Variants in MICU3 observed in about 807,000 individuals in gnomAD.
The protein encoded by MICU3 is mitochondrial calcium uptake 3.
Under a neutral mutation model 66.5 loss-of-function variants are expected in MICU3, and 62 were observed. The observed-to-expected ratio is 0.93, with a 90% CI of 0.76 to 1.15. MICU3 has a LOEUF of 1.15. Ranked by LOEUF, MICU3 falls within the 50% of genes most tolerant of loss-of-function variation. The pLI is 0.00. For synonymous variants in MICU3, 308 were observed against 240.7 expected (o/e 1.28, Z -2.59); for missense variants, 779 against 664.4 (o/e 1.17, Z -1.90).
At chr8:17,079,586 A>T (rs551193558) in intron 4 of MICU3, among the ~76,000 whole-genome samples, 43 of 152,132 alleles carry the variant, frequency 2.8e-4, no homozygotes, top group African/African-American at 9.4e-4. Flanking sequence ...TTTGTCACCC[A>T]GGCGGGAGTG....
chr8:17,044,876 G>C (rs967376261), intron 1 of MICU3, among the ~76,000 whole-genome samples: 1 of 152,168 alleles, frequency 6.6e-6, no homozygotes, highest in African/African-American at 2.4e-5. Context: ...CCTTACCTAT[G>C]CTCCTGGAGC....
chr8:17,081,023 A>ACAGAATGC (rs1821105143), intron 4 of MICU3, among the ~76,000 whole-genome samples: 1 of 152,130 alleles, frequency 6.6e-6, no homozygotes, highest in African/African-American at 2.4e-5. Flanking sequence ...AATTCAAGTA[A>ACAGAATGC]CAGAATGCAC....
At chr8:17,111,198 T>G (rs1488018830) in intron 11 of MICU3, among the ~76,000 whole-genome samples, 2 of 152,258 alleles carry the variant, frequency 1.3e-5, no homozygotes, top group Non-Finnish European at 2.9e-5. Context: ...TGTTTATCAT[T>G]TTGTTACTGC....
At chr8:17,076,971 T>C (rs1303457254) in intron 3 of MICU3, among the ~76,000 whole-genome samples, 1 of 152,190 alleles carries the variant, frequency 6.6e-6, no homozygotes, top group Non-Finnish European at 1.5e-5. Context: ...CACCGTCTTT[T>C]AATCATTTTT....
intron 11 of MICU3, among the ~76,000 whole-genome samples, chr8:17,108,894 C>T (rs541775261): frequency 6.6e-6 from 1 of 152,244 alleles, no homozygotes; most frequent in African/African-American, 2.4e-5. Context: ...ATATTCTGAT[C>T]CTCCTAGCTC....
intron 3 of MICU3, 88 bp from the exon 4 acceptor site, chr8:17,077,695 A>G: frequency 2.2e-6 from 2 of 890,748 alleles, no homozygotes; most frequent in South Asian, 3.3e-5. Flanking sequence ...TTAAGTGGAG[A>G]ATTTGGCATG....
At chr8:17,065,167 C>T (rs764305762) in intron 2 of MICU3, among the ~76,000 whole-genome samples, 10 of 152,060 alleles carry the variant, frequency 6.6e-5, no homozygotes, top group African/African-American at 2.2e-4. Flanking sequence ...ATCATTTGTT[C>T]GACCCATATC....
intron 4 of MICU3, among the ~76,000 whole-genome samples, chr8:17,079,247 G>C (rs1820827099): frequency 6.6e-6 from 1 of 152,092 alleles, no homozygotes; most frequent in Admixed American, 6.5e-5. Flanking sequence ...AGCCGCATAT[G>C]GCTGTTGAGC....
intron 3 of MICU3, among the ~76,000 whole-genome samples, chr8:17,070,945 T>G (rs964579003): frequency 6.6e-6 from 1 of 152,064 alleles, no homozygotes; most frequent in African/African-American, 2.4e-5. Flanking sequence ...ATATACTGGG[T>G]AAAGGGATGA....
At chr8:17,133,356 A>T in the MICU3 span, among the ~76,000 whole-genome samples, 1 of 152,106 alleles carries the variant, frequency 6.6e-6, no homozygotes, top group Non-Finnish European at 1.5e-5. Context: ...TTTGTTATTT[A>T]TGGGTTATCT....
chr8:17,082,691 A>T (rs1044426069), intron 5 of MICU3, among the ~76,000 whole-genome samples: 1 of 152,140 alleles, frequency 6.6e-6, no homozygotes, highest in South Asian at 2.1e-4. Flanking sequence ...CCAGTTGTGG[A>T]GATATGTGGA....
chr8:17,051,201 G>GTACTAATACTAAAACCA lies in MICU3; in HGVS notation c.382-12881_382-12880insCTAATACTAAAACCATA, dbSNP rs554575733. On this transcript the variant is annotated intron_variant, in intron 1 of 14. Coordinates refer to ENST00000318063, the MANE Select transcript of MICU3 (RefSeq NM_181723.3). Reference sequence around the variant, plus strand: ...CAGCTACAGTATTAGTACCACATAGGTATTGGTTTTTTAATATTATGTTTT... The same window carrying GTACTAATACTAAAACCA: ...CAGCTACAGTATTAGTACCACATAGGTACTAATACTAAAACCATATTGGTTTTTTAATATTATGTTTT... 3.2e-3 allele frequency among the ~76,000 whole-genome samples: 480 copies of GTACTAATACTAAAACCA among 152,034 alleles called. 2 individuals are homozygous for GTACTAATACTAAAACCA. The highest frequency in any genetic ancestry group is 0.011 in the African/African-American group (452 of 41,476).
the MICU3 span, among the ~76,000 whole-genome samples, chr8:17,137,520 TTAAAAAAAA>T: frequency 2.5e-5 from 3 of 120,734 alleles, no homozygotes; most frequent in African/African-American, 9.0e-5. Context: ...CTGCTTTTTT[TTAAAAAAAA>T]AAAAAAAAAG....
chr8:17,087,799 G>C (rs1159852725), intron 7 of MICU3, among the ~76,000 whole-genome samples: 1 of 152,026 alleles, frequency 6.6e-6, no homozygotes, highest in African/African-American at 2.4e-5. Context: ...ATTTGAACCT[G>C]TGTCTGGCCA....
chr8:17,114,107 T>C lies in MICU3; in HGVS notation c.1272T>C (p.Asp424=). 2 of 1,609,578 alleles carry C rather than the reference T, an allele frequency of 1.2e-6. No individual in the cohort carries two copies. Among genetic ancestry groups the C allele is most frequent in the Non-Finnish European group, 1.7e-6 (2 of 1,177,190 alleles). Residue 424 remains aspartate, a synonymous_variant, in exon 12 of 15, where the codon GAT becomes GAC. Coordinates refer to ENST00000318063, the MANE Select transcript of MICU3 (RefSeq NM_181723.3). ...SIPEEKGITF[D]EFRSFFQFLN... ...TCCCAATATAGGGCATCACATTTGATGAATTCAGGTCATTTTTCCAGTTTT... is the reference window on the plus strand; with the variant it reads ...TCCCAATATAGGGCATCACATTTGACGAATTCAGGTCATTTTTCCAGTTTT...
intron 5 of MICU3, 104 bp from the exon 6 acceptor site, chr8:17,085,132 C>A (rs1047918784): frequency 2.9e-6 from 2 of 679,014 alleles, no homozygotes; most frequent in Non-Finnish European, 5.1e-6. Flanking sequence ...TTTCTACTAT[C>A]TTTAACCAAT....
chr8:17,130,203 T>C, the MICU3 span, among the ~76,000 whole-genome samples: 1 of 152,056 alleles, frequency 6.6e-6, no homozygotes, highest in East Asian at 1.9e-4. Context: ...TTTAGTAAAA[T>C]ATACAATGTT....
At chr8:17,030,507 T>A (rs1291218983) in intron 1 of MICU3, among the ~76,000 whole-genome samples, 1 of 152,186 alleles carries the variant, frequency 6.6e-6, no homozygotes, top group Non-Finnish European at 1.5e-5. Flanking sequence ...CACATATATG[T>A]AACACCACTT....
At chr8:17,051,370 A>G (rs1816049772) in intron 1 of MICU3, among the ~76,000 whole-genome samples, 1 of 152,232 alleles carries the variant, frequency 6.6e-6, no homozygotes, top group African/African-American at 2.4e-5. Flanking sequence ...TGGGGAAACT[A>G]AAGTGTACCA....
Sources: gnomAD v4.1 joint callset for allele counts (sites outside exome capture counted in the v4.1 genomes callset) on GRCh38, gnomAD v4.1.1 for gene constraint, MANE v1.5 for transcripts, NCBI Gene and HGNC (gene_info 2026-07-23, HGNC 2026-07-21) for gene names.